KSR2: variants seen among roughly 807,000 people sequenced by gnomAD.
The protein encoded by KSR2 is kinase suppressor of ras 2.
KSR2 carries 25 observed loss-of-function variants against 107.8 expected under a neutral mutation model. The observed-to-expected ratio is 0.23, with a 90% CI of 0.17 to 0.32. KSR2 has a LOEUF of 0.32. Among genes scored for constraint, KSR2 ranks in the 10% least tolerant of loss-of-function variants. KSR2 has a pLI of 1.00. For synonymous variants in KSR2, 480 were observed against 507.0 expected (o/e 0.95, Z 0.71); for missense variants, 887 against 1,268.9 (o/e 0.70, Z 4.57).
At position 117,598,759 on chromosome 12, in the gene KSR2, C is replaced by G. The variant is rs1474516106; in HGVS notation, c.1172-16400G>C. 5.3e-5 allele frequency among the ~76,000 whole-genome samples: 8 copies of G among 151,600 alleles called. No individual in the cohort carries two copies. In the East Asian group the frequency reaches 1.5e-3, roughly 29 times the overall value. On this transcript the variant is annotated intron_variant, in intron 5 of 19. Transcript: ENST00000339824. ...TCATATGTATATCTTATTTTGAGAACAGTATATTCATGCCCTTTGCAGAGA... is the reference window on the plus strand; with the variant it reads ...TCATATGTATATCTTATTTTGAGAAGAGTATATTCATGCCCTTTGCAGAGA...
At chr12:117,574,578 C>T (rs920215399) in intron 7 of KSR2, among the ~76,000 whole-genome samples, 1 of 152,134 alleles carries the variant, frequency 6.6e-6, no homozygotes, top group Non-Finnish European at 1.5e-5. Context: ...ACCACAAGGA[C>T]AGCATGCAGG....
intron 4 of KSR2, among the ~76,000 whole-genome samples, chr12:117,696,703 A>G (rs761450898): frequency 6.6e-6 from 1 of 152,148 alleles, no homozygotes; most frequent in Non-Finnish European, 1.5e-5. Context: ...CCTTAAGACT[A>G]CCTATTATGT....
At chr12:117,739,510 TGCA>T (rs549346491) in intron 4 of KSR2, among the ~76,000 whole-genome samples, 1 of 152,226 alleles carries the variant, frequency 6.6e-6, no homozygotes, top group Non-Finnish European at 1.5e-5. Context: ...AACGTCATTA[TGCA>T]GTGCATGAGT....
chr12:117,624,265 A>C (rs1882348151), intron 5 of KSR2, among the ~76,000 whole-genome samples: 1 of 152,266 alleles, frequency 6.6e-6, no homozygotes, highest in Middle Eastern at 3.4e-3. Flanking sequence ...TTTTGTTGCC[A>C]TTGCTTTTGG....
At chr12:117,901,502 C>T (rs973855928) in intron 1 of KSR2, among the ~76,000 whole-genome samples, 1 of 152,006 alleles carries the variant, frequency 6.6e-6, no homozygotes, top group African/African-American at 2.4e-5. Flanking sequence ...GAGGTTTCAC[C>T]ATATTGCCCA....
At chr12:117,925,268 C>A (rs1895477722) in intron 1 of KSR2, among the ~76,000 whole-genome samples, 1 of 151,978 alleles carries the variant, frequency 6.6e-6, no homozygotes, top group Non-Finnish European at 1.5e-5. Context: ...GAACTATAGG[C>A]TCACGCCACC....
At chr12:117,779,543 T>C (rs979723) in intron 3 of KSR2, among the ~76,000 whole-genome samples, 79,120 of 152,048 alleles carry the variant, frequency 0.52, 22,260 homozygotes, top group African/African-American at 0.73. Flanking sequence ...ATGTCCCCAC[T>C]CAACTCTCAT....
chr12:117,533,937 G>T (rs1875844803), intron 10 of KSR2, among the ~76,000 whole-genome samples: 1 of 152,170 alleles, frequency 6.6e-6, no homozygotes, highest in Non-Finnish European at 1.5e-5. Context: ...ATGACCAGAA[G>T]AGGAAGAAAG....
At chr12:117,635,263 G>A (rs982464145) in intron 5 of KSR2, among the ~76,000 whole-genome samples, 1 of 152,304 alleles carries the variant, frequency 6.6e-6, no homozygotes, top group East Asian at 1.9e-4. Flanking sequence ...ACATAAAGGG[G>A]CAGAGGAAAG....
chr12:117,634,138 T>C (rs1187884632), intron 5 of KSR2, among the ~76,000 whole-genome samples: 8 of 152,122 alleles, frequency 5.3e-5, no homozygotes, highest in Non-Finnish European at 1.2e-4. Context: ...GCAGTTCAGT[T>C]TCTATCCAAG....
intron 7 of KSR2, among the ~76,000 whole-genome samples, chr12:117,561,407 T>C (rs1878111705): frequency 6.6e-6 from 1 of 152,228 alleles, no homozygotes; most frequent in Admixed American, 6.5e-5. Flanking sequence ...TTTACATCAT[T>C]CATTTAATCC....
intron 2 of KSR2, among the ~76,000 whole-genome samples, chr12:117,857,279 C>T (rs936349458): frequency 2.6e-5 from 4 of 152,168 alleles, no homozygotes; most frequent in Non-Finnish European, 5.9e-5. Flanking sequence ...AGGCTGGTCT[C>T]GAATTCCTGG....
intron 3 of KSR2, among the ~76,000 whole-genome samples, chr12:117,839,022 G>T (rs1263343559): frequency 6.6e-6 from 1 of 152,192 alleles, no homozygotes; most frequent in Non-Finnish European, 1.5e-5. Context: ...AAAAGCAGGT[G>T]GAGGGCTGAC....
intron 4 of KSR2, among the ~76,000 whole-genome samples, chr12:117,697,887 A>C (rs1886137753): frequency 1.3e-5 from 2 of 152,146 alleles, no homozygotes; most frequent in Admixed American, 6.5e-5. Flanking sequence ...AATTAGTTAA[A>C]TTTAGATGAG....
At chr12:117,547,096 G>T (rs1387000094) in intron 9 of KSR2, among the ~76,000 whole-genome samples, 1 of 152,176 alleles carries the variant, frequency 6.6e-6, no homozygotes, top group Non-Finnish European at 1.5e-5. Context: ...GTATTATGTT[G>T]TGAGACTTTG....
intron 3 of KSR2, among the ~76,000 whole-genome samples, chr12:117,770,555 T>C (rs1889404612): frequency 2.0e-5 from 3 of 151,880 alleles, no homozygotes; most frequent in Non-Finnish European, 4.4e-5. Flanking sequence ...AGATAACTCA[T>C]TCATTTGCTG....
At chr12:117,682,707 C>T (rs77551001) in intron 4 of KSR2, among the ~76,000 whole-genome samples, 7,198 of 152,184 alleles carry the variant, frequency 0.047, 231 homozygotes, top group East Asian at 0.12. Flanking sequence ...TGTGAGCCAC[C>T]GCGCCTGGCT....
At chr12:117,505,203 G>A (rs187476200) in intron 14 of KSR2, among the ~76,000 whole-genome samples, 276 of 152,192 alleles carry the variant, frequency 1.8e-3, no homozygotes, top group Non-Finnish European at 2.7e-3. Context: ...GAATTGGCCC[G>A]CACCAGAATC....
chr12:117,497,023 G>GCACC (rs1873071984), intron 14 of KSR2, among the ~76,000 whole-genome samples: 22 of 151,728 alleles, frequency 1.4e-4, no homozygotes, highest in Middle Eastern at 3.4e-3. Context: ...TGGTACAGGT[G>GCACC]TGTACCACCA....
Sources: allele counts gnomAD v4.1 joint callset (sites outside exome capture counted in the v4.1 genomes callset), GRCh38; gene constraint gnomAD v4.1.1; transcripts MANE v1.5; gene names NCBI Gene and HGNC (gene_info 2026-07-23, HGNC 2026-07-21).